Variants in MAOB observed in about 807,000 individuals in gnomAD.
MAOB encodes the protein monoamine oxidase B.
In MAOB, 15 loss-of-function variants were observed where a neutral mutation model predicts 41.9. The observed-to-expected ratio is 0.36, with a 90% CI of 0.24 to 0.55. The LOEUF (loss-of-function observed/expected upper bound fraction) is 0.55, where lower values mean the gene tolerates loss of function less well. Among genes scored for constraint, MAOB ranks in the 20% least tolerant of loss-of-function variants. The pLI is 0.86. For missense variants in MAOB, 345 were observed against 398.7 expected (o/e 0.87, Z 1.15); for synonymous variants, 167 against 144.2 (o/e 1.16, Z -1.13).
intron 3 of MAOB, among the ~76,000 whole-genome samples, chrX:43,838,404 T>C (rs1730205493): frequency 8.9e-6 from 1 of 111,875 alleles, no homozygotes; most frequent in Non-Finnish European, 1.9e-5. Context: ...TGAACCACTT[T>C]GATGTCAATC....
intron 3 of MAOB, among the ~76,000 whole-genome samples, chrX:43,811,454 C>G (rs2147144920): frequency 9.0e-6 from 1 of 111,462 alleles, no homozygotes; most frequent in East Asian, 2.8e-4. Context: ...CCACCTTCCC[C>G]TCTATAACTC....
intron 1 of MAOB, among the ~76,000 whole-genome samples, chrX:43,868,144 G>A (rs762728681): frequency 2.7e-5 from 3 of 112,129 alleles, no homozygotes; most frequent in Non-Finnish European, 5.6e-5. Flanking sequence ...AAGGAAGCCA[G>A]ATTTTATAAA....
At chrX:43,808,340 C>T (rs1050220209) in intron 3 of MAOB, among the ~76,000 whole-genome samples, 9 of 111,608 alleles carry the variant, frequency 8.1e-5, no homozygotes, top group Admixed American at 2.9e-4. Flanking sequence ...TTTTTGTTTG[C>T]TTGTTTTCAC....
At chrX:43,865,003 A>C (rs772504234) in intron 1 of MAOB, among the ~76,000 whole-genome samples, 19 of 111,980 alleles carry the variant, frequency 1.7e-4, no homozygotes, top group Non-Finnish European at 3.4e-4. Context: ...GATCCTCAAA[A>C]GGTTAAACAA....
chrX:43,881,375 G>A (rs1016440640), intron 1 of MAOB, among the ~76,000 whole-genome samples: 11 of 113,184 alleles, frequency 9.7e-5, no homozygotes, highest in African/African-American at 2.6e-4. Flanking sequence ...ACTAGGCAGC[G>A]TTAGGAGGTG....
intron 1 of MAOB, among the ~76,000 whole-genome samples, chrX:43,854,398 AAACT>A (rs1230428735): frequency 2.7e-5 from 3 of 112,066 alleles, no homozygotes; most frequent in African/African-American, 9.7e-5. Flanking sequence ...CATTCTCAGC[AAACT>A]AACACAGGAA....
At chrX:43,786,512 G>C (rs1334890763) in intron 8 of MAOB, among the ~76,000 whole-genome samples, 1 of 111,757 alleles carries the variant, frequency 8.9e-6, no homozygotes, top group African/African-American at 3.3e-5. Context: ...TGTCCTTCAG[G>C]CATGCTGGGG....
intron 1 of MAOB, among the ~76,000 whole-genome samples, chrX:43,858,703 C>A (rs1415817921): frequency 1.8e-5 from 2 of 110,803 alleles, no homozygotes; most frequent in Non-Finnish European, 3.8e-5. Context: ...TAGGAGAAGG[C>A]AGACTGAGGC....
chrX:43,855,217 G>A (rs759475178), intron 1 of MAOB, among the ~76,000 whole-genome samples: 39 of 112,033 alleles, frequency 3.5e-4, no homozygotes, highest in Admixed American at 1.1e-3. Flanking sequence ...ACAAGTGGTA[G>A]AAGAATCAGT....
At chrX:43,807,677 G>A (rs916240971) in intron 3 of MAOB, among the ~76,000 whole-genome samples, 2 of 112,411 alleles carry the variant, frequency 1.8e-5, no homozygotes, top group African/African-American at 3.2e-5. Flanking sequence ...GAAAGATGAA[G>A]TGTGTTGATA....
At chrX:43,815,388 A>C (rs374811386) in intron 3 of MAOB, among the ~76,000 whole-genome samples, 2 of 112,212 alleles carry the variant, frequency 1.8e-5, no homozygotes, top group East Asian at 5.6e-4. Context: ...GCAAAACTCC[A>C]GAGTGTTCTG....
chrX:43,850,860 A>G (rs1312976581), intron 1 of MAOB, among the ~76,000 whole-genome samples: 1 of 112,269 alleles, frequency 8.9e-6, no homozygotes, highest in Non-Finnish European at 1.9e-5. Context: ...CTCCAGATGC[A>G]GCCGCTTTGA....
intron 12 of MAOB, among the ~76,000 whole-genome samples, chrX:43,773,503 G>A (rs1414677599): frequency 8.9e-6 from 1 of 112,606 alleles, no homozygotes; most frequent in Non-Finnish European, 1.9e-5. Context: ...GCAAATGGTT[G>A]GCACTTAGCC....
chrX:43,778,626 C>T lies in MAOB; in HGVS notation c.1137+56G>A, dbSNP rs182799002. ...TGCATTAACCTATCCCTGCTAGTCA[C>T]TTGGGGACAAAGAAAGGCCTCTCAC... On this transcript the variant is annotated intron_variant, in intron 11 of 14. Transcript: ENST00000378069. 1.0e-4 allele frequency: 101 copies of T among 993,473 alleles called. No homozygotes were observed. In the African/African-American group the frequency reaches 1.8e-3, roughly 17 times the overall value. The allele number at this position is 993,473 out of a possible 1,213,427, so 81.9% of individuals were successfully genotyped here.
At chrX:43,827,346 C>T (rs2034961607) in intron 3 of MAOB, among the ~76,000 whole-genome samples, 1 of 111,753 alleles carries the variant, frequency 8.9e-6, no homozygotes, top group African/African-American at 3.3e-5. Context: ...TTCAAAGGCT[C>T]AACTGGGTTG....
chrX:43,861,088 A>G lies in MAOB; in HGVS notation c.47-17324T>C, dbSNP rs1401186843. On this transcript the variant is annotated intron_variant, in intron 1 of 14. Coordinates refer to ENST00000378069, the MANE Select transcript of MAOB (RefSeq NM_000898.5). Reference sequence around the variant, plus strand: ...ATTTTGTTGGTCCATTTGGTAATTTATTATGTGACTGCCCCTCCACCAACT... The same window carrying G: ...ATTTTGTTGGTCCATTTGGTAATTTGTTATGTGACTGCCCCTCCACCAACT... 4.4e-5 allele frequency among the ~76,000 whole-genome samples: 5 copies of G among 112,419 alleles called. No homozygotes were observed. The East Asian group carries it at 1.4e-3, about 31-fold the overall frequency.
At chrX:43,768,784 AG>A in intron 13 of MAOB, 68 bp from the exon 14 acceptor site, 1 of 885,031 alleles carries the variant, frequency 1.1e-6, no homozygotes, top group Non-Finnish European at 1.7e-6. Context: ...TGCTCCCTAA[AG>A]GACTAAGTAA....
In MAOB at chrX:43,767,236, T is replaced by A. The variant is rs778519708; in HGVS notation, c.*230A>T. The A allele has an allele frequency of 1.5e-5, 5 of 343,813 alleles. No individual in the cohort carries two copies. The South Asian group carries it at 4.9e-4, about 34-fold the overall frequency. The allele number at this position is 343,813 out of a possible 1,213,427, so 28.3% of individuals were successfully genotyped here. A position where few individuals can be genotyped will look rare whatever the true frequency, so the allele number is the denominator to read the frequency against. On this transcript the variant is annotated 3_prime_UTR_variant, in exon 15 of 15. Coordinates refer to ENST00000378069, the MANE Select transcript of MAOB (RefSeq NM_000898.5). ...ACTATTCTAAAGATTTTGAGGGCAA[T>A]AAACTTGGAAACTGGTGAAACAGAA... is the stretch of plus-strand genomic sequence containing the variant.
chrX:43,874,095 A>G (rs1376362444), intron 1 of MAOB, among the ~76,000 whole-genome samples: 1 of 112,287 alleles, frequency 8.9e-6, no homozygotes, highest in Non-Finnish European at 1.9e-5. Flanking sequence ...CTCTGTTTTT[A>G]GTTTTTTAAA....
Sources: gnomAD v4.1 joint callset for allele counts (sites outside exome capture counted in the v4.1 genomes callset) on GRCh38, gnomAD v4.1.1 for gene constraint, MANE v1.5 for transcripts, NCBI Gene and HGNC (gene_info 2026-07-23, HGNC 2026-07-21) for gene names.